Variants in TLE4 observed in about 807,000 individuals in gnomAD.
The protein encoded by TLE4 is TLE family member 4, transcriptional corepressor.
TLE4 carries 8 observed loss-of-function variants against 92.8 expected under a neutral mutation model. The observed-to-expected ratio is 0.09, with a 90% CI of 0.05 to 0.16. TLE4 has a LOEUF of 0.16. Ranked by LOEUF, TLE4 falls within the 10% of genes least tolerant of loss-of-function variation. The pLI is 1.00. For synonymous variants in TLE4, 371 were observed against 374.1 expected, an observed-to-expected ratio of 0.99 and a Z score of 0.10; for missense variants, 675 against 997.6, an observed-to-expected ratio of 0.68 and a Z score of 4.36.
intron 7 of TLE4, 138 bp from the exon 8 acceptor site, chr9:79,653,921 A>G (rs1238597050): frequency 2.0e-6 from 2 of 986,340 alleles, no homozygotes; most frequent in African/African-American, 3.3e-5. Flanking sequence ...TTTACAGCAC[A>G]GTTGACATCT....
At chr9:79,711,472 TG>T (rs2073268690) in intron 14 of TLE4, among the ~76,000 whole-genome samples, 1 of 152,194 alleles carries the variant, frequency 6.6e-6, no homozygotes, top group Admixed American at 6.5e-5. Flanking sequence ...TATGAACTTG[TG>T]GGGAAAGTGG....
intron 1 of TLE4, among the ~76,000 whole-genome samples, 184 bp downstream of exon 1, chr9:79,573,019 G>C (rs2036286226): frequency 6.6e-6 from 1 of 152,082 alleles, no homozygotes; most frequent in Non-Finnish European, 1.5e-5. Flanking sequence ...CCTCGGAGGG[G>C]GTGCGGAGAG....
At chr9:79,675,026 G>A (rs1027200634) in intron 8 of TLE4, among the ~76,000 whole-genome samples, 7 of 152,154 alleles carry the variant, frequency 4.6e-5, no homozygotes, top group Non-Finnish European at 1.0e-4. Context: ...GAAGAAAAAA[G>A]GGTAGTTTTT....
chr9:79,621,461 G>A (rs1302316813), intron 5 of TLE4, among the ~76,000 whole-genome samples: 1 of 152,148 alleles, frequency 6.6e-6, no homozygotes, highest in African/African-American at 2.4e-5. Context: ...ACAAAACTGG[G>A]TCCAGTGGGG....
In TLE4 at chr9:79,579,664, TTG is replaced by T. The variant is rs773021125; in HGVS notation, c.252+3503_252+3504del. On this transcript the variant is annotated intron_variant, in intron 4 of 19. Coordinates refer to ENST00000376552, the MANE Select transcript of TLE4 (RefSeq NM_007005.6). ...TGTGTATTTTTATATGTGTGTGTATTTGTGTGTGTGTGTGTGTATATATATAT... is the reference window on the plus strand; with the variant it reads ...TGTGTATTTTTATATGTGTGTGTATTTGTGTGTGTGTGTGTATATATATAT... Among the ~76,000 whole-genome samples, 58 of 151,094 alleles carry T rather than the reference TTG, an allele frequency of 3.8e-4. 1 individual carries two copies. Among genetic ancestry groups the T allele is most frequent in the South Asian group, 2.1e-3 (10 of 4,768 alleles).
chr9:79,579,725 C>T (rs573417645), intron 4 of TLE4, among the ~76,000 whole-genome samples: 3 of 152,066 alleles, frequency 2.0e-5, no homozygotes, highest in Non-Finnish European at 4.4e-5. Context: ...ACTCCTGTTT[C>T]ACTTAAAGCC....
chr9:79,638,058 T>C (rs1219772177), intron 6 of TLE4, among the ~76,000 whole-genome samples: 2 of 151,986 alleles, frequency 1.3e-5, no homozygotes, highest in African/African-American at 4.8e-5. Context: ...TCTAGGATGG[T>C]TGTTCAGAAA....
At chr9:79,665,739 T>A (rs1314290431) in intron 8 of TLE4, among the ~76,000 whole-genome samples, 6 of 152,182 alleles carry the variant, frequency 3.9e-5, no homozygotes, top group Non-Finnish European at 7.3e-5. Context: ...ATCATCTGAT[T>A]TTTTGGCACT....
At chr9:79,644,860 C>T (rs975099004) in intron 6 of TLE4, among the ~76,000 whole-genome samples, 5 of 152,132 alleles carry the variant, frequency 3.3e-5, no homozygotes, top group African/African-American at 4.8e-5. Flanking sequence ...GTGCTCAGAG[C>T]GAGCAGCTCA....
intron 7 of TLE4, 137 bp downstream of exon 7, chr9:79,652,931 A>G: frequency 1.0e-6 from 1 of 969,862 alleles, no homozygotes; most frequent in Non-Finnish European, 1.7e-6. Context: ...AAGGTAAATT[A>G]ATTACTGCAA....
At chr9:79,597,607 A>C (rs1318398564) in intron 4 of TLE4, among the ~76,000 whole-genome samples, 3 of 152,020 alleles carry the variant, frequency 2.0e-5, no homozygotes, top group Admixed American at 1.3e-4. Context: ...AGTGATTCCT[A>C]TCTGAGGAAA....
intron 8 of TLE4, among the ~76,000 whole-genome samples, chr9:79,659,325 T>C (rs1587925207): frequency 6.6e-6 from 1 of 152,330 alleles, no homozygotes; most frequent in South Asian, 2.1e-4. Context: ...ACTTTTTCTT[T>C]GCCGAAGTAT....
At position 79,721,226 on chromosome 9, in the gene TLE4, A is replaced by T. The variant is rs186562373; in HGVS notation, c.1839-515A>T. Among the ~76,000 whole-genome samples, 13 of 152,246 alleles carry T rather than the reference A, an allele frequency of 8.5e-5. No individual in the cohort carries two copies. The South Asian group carries it at 1.2e-3, about 15-fold the overall frequency. On this transcript the variant is annotated intron_variant, in intron 16 of 19. Coordinates refer to ENST00000376552, the MANE Select transcript of TLE4 (RefSeq NM_007005.6). ...TGAGTGATTCCTGGGCCAGTAGTTC[A>T]CACTGAGTGTCTTTCCAGGTGCCTT...
At position 79,649,401 on chromosome 9, in the gene TLE4, G is replaced by GGA. The variant is rs1167722450; in HGVS notation, c.391-3190_391-3189dup. The GGA allele has an allele frequency of 2.3e-5, 4 of 172,842 alleles. No individual in the cohort carries two copies. In the South Asian group the frequency reaches 4.2e-4, roughly 18 times the overall value. 10.7% of individuals were successfully genotyped at this position (172,842 alleles called of 1,614,324 possible). A position where few individuals can be genotyped will look rare whatever the true frequency, so the allele number is the denominator to read the frequency against. ...TGCAAGACACTGTGTAGGGGGCAGT[G>GGA]GAGGACACAAAAAGTGATTAAAATA... is the stretch of plus-strand genomic sequence containing the variant. On this transcript the variant is annotated intron_variant, in intron 6 of 19. Transcript: ENST00000376552.
At chr9:79,591,849 G>T (rs1399707147) in intron 4 of TLE4, among the ~76,000 whole-genome samples, 2 of 152,144 alleles carry the variant, frequency 1.3e-5, no homozygotes, top group Non-Finnish European at 2.9e-5. Context: ...AATGCTGCCA[G>T]GTGTGGTACC....
At chr9:79,582,256 A>G (rs1008741278) in intron 4 of TLE4, among the ~76,000 whole-genome samples, 7 of 152,240 alleles carry the variant, frequency 4.6e-5, no homozygotes, top group Non-Finnish European at 5.9e-5. Flanking sequence ...TACTGTTAAA[A>G]GAATTTCTTT....
chr9:79,690,779 C>CTTTTTTTTTTTT (rs35528090), intron 8 of TLE4, among the ~76,000 whole-genome samples: 9 of 54,164 alleles, frequency 1.7e-4, no homozygotes, highest in African/African-American at 3.4e-4. Context: ...CCACTCCTGG[C>CTTTTTTTTTTTT]TTTTTTTTTT....
intron 8 of TLE4, among the ~76,000 whole-genome samples, chr9:79,671,744 A>G (rs966895385): frequency 6.6e-6 from 1 of 152,092 alleles, no homozygotes; most frequent in Non-Finnish European, 1.5e-5. Flanking sequence ...GGACTTTGAC[A>G]GAAGTATATC....
intron 6 of TLE4, 185 bp downstream of exon 6, chr9:79,627,633 C>G: frequency 1.6e-6 from 1 of 619,572 alleles, no homozygotes; most frequent in Non-Finnish European, 2.9e-6. Flanking sequence ...GGATCACATT[C>G]TCACCAATTT....
Sources: gnomAD v4.1 joint callset for allele counts (sites outside exome capture counted in the v4.1 genomes callset) on GRCh38, gnomAD v4.1.1 for gene constraint, MANE v1.5 for transcripts, NCBI Gene and HGNC (gene_info 2026-07-23, HGNC 2026-07-21) for gene names.